TYSND1: variants seen among roughly 807,000 people sequenced by gnomAD.
TYSND1 encodes the protein peroxisomal leader peptide-processing protease.
A neutral mutation model predicts 37.2 loss-of-function variants in TYSND1; 30 were observed. The observed-to-expected ratio is 0.81, with a 90% CI of 0.60 to 1.09. The LOEUF (loss-of-function observed/expected upper bound fraction) is 1.09, where lower values mean the gene tolerates loss of function less well. Ranked by LOEUF, TYSND1 falls within the 50% of genes least tolerant of loss-of-function variation. The pLI is 0.00. For synonymous variants in TYSND1, 364 were observed against 383.8 expected (o/e 0.95, Z 0.60); for missense variants, 806 against 817.4 (o/e 0.99, Z 0.17).
At position 70,146,442 on chromosome 10, in the gene TYSND1, G is replaced by A. The variant is rs1589869488; in HGVS notation, c.145C>T (p.His49Tyr). 6.2e-6 allele frequency: 10 copies of A among 1,603,718 alleles called. No individual in the cohort carries two copies. Among genetic ancestry groups the A allele is most frequent in the Non-Finnish European group, 8.5e-6 (10 of 1,178,672 alleles). The change falls in exon 1 of 4, where the codon CAC becomes TAC. Residue 49 changes from histidine (H) to tyrosine (Y), a missense_variant. By Grantham distance (83) the His-to-Tyr change is moderately conservative. Coordinates refer to ENST00000287078, the MANE Select transcript of TYSND1 (RefSeq NM_173555.4). ...LSRSPGLVLCHGGIFVPFLRA... is the reference protein window; with the variant it reads ...LSRSPGLVLCYGGIFVPFLRA... ...AGGAAGGGGACGAAGATGCCCCCGT[G>A]GCAAAGCACCAGGCCCGGGCTACGG...
chr10:70,142,674 G>T lies in TYSND1; in HGVS notation c.1477C>A (p.Leu493Ile). Reference protein sequence around the residue: ...GPLFSNHSGNLLGIITSNTRD... With the variant: ...GPLFSNHSGNILGIITSNTRD... ...GGGCCAAAGAGCTGGTTACCAAGGA[G>T]GTTTCCTGAGTGGTTGGAGAAGAGG... Residue 493 changes from leucine (L) to isoleucine (I), a missense_variant, in exon 3 of 4, where the codon CTC becomes ATC. By Grantham distance (5) the Leu-to-Ile change is conservative. This residue lies in a region of TYSND1 where 708 missense variants were observed against 705.4 expected (regional missense o/e 1.00). Transcript: ENST00000287078. 1 of 1,580,534 alleles carries T rather than the reference G, an allele frequency of 6.3e-7. No homozygotes were observed. The highest frequency in any genetic ancestry group is 8.6e-7 in the Non-Finnish European group (1 of 1,162,582).
In TYSND1 at chr10:70,146,212, G is replaced by C. The variant is rs1217191747; in HGVS notation, c.375C>G (p.Pro125=). 1 of 1,518,418 alleles carries C rather than the reference G, an allele frequency of 6.6e-7. No individual in the cohort carries two copies. Among genetic ancestry groups the C allele is most frequent in the East Asian group, 2.5e-5 (1 of 40,526 alleles). The allele number at this position is 1,518,418 out of a possible 1,614,324, so 94.1% of individuals were successfully genotyped here. Residue 125 remains proline (P), a synonymous_variant, in exon 1 of 4, where the codon CCC becomes CCG. Coordinates refer to ENST00000287078, the MANE Select transcript of TYSND1 (RefSeq NM_173555.4). The part of the protein sequence containing the change: ...PGPPAPSRGR[P]LQPRLPAELL... The stretch of plus-strand genomic sequence containing the variant: ...GCTCAGCAGGAAGCCGGGGCTGCAG[G>C]GGACGCCCGCGGGACGGGGCAGGTG...
chr10:70,139,764 C>T lies in TYSND1; in HGVS notation c.*160G>A. 1 of 694,498 alleles carries T rather than the reference C, an allele frequency of 1.4e-6. No individual in the cohort carries two copies. Among genetic ancestry groups the T allele is most frequent in the South Asian group, 1.9e-5 (1 of 51,756 alleles). The allele number at this position is 694,498 out of a possible 1,614,324, so 43.0% of individuals were successfully genotyped here. Reference sequence around the variant, plus strand: ...TCCATGGGGCTGAAGAGAAGTTTGCCCCAGAGCCCAAAGCCCAGTCTGCAG... The same window carrying T: ...TCCATGGGGCTGAAGAGAAGTTTGCTCCAGAGCCCAAAGCCCAGTCTGCAG... On this transcript the variant is annotated 3_prime_UTR_variant, in exon 4 of 4. Coordinates refer to ENST00000287078, the MANE Select transcript of TYSND1 (RefSeq NM_173555.4).
Position 70,140,050 on chromosome 10 carries a change from G to T in TYSND1, c.1575C>A (p.Ala525=), listed in dbSNP as rs760546072. 6.2e-7 allele frequency: 1 copy of T among 1,614,200 alleles called. No homozygotes were observed. The highest frequency in any genetic ancestry group is 8.5e-7 in the Non-Finnish European group (1 of 1,180,016). Residue 525 remains alanine (A), a synonymous_variant, in exon 4 of 4, where the codon GCC becomes GCA. Coordinates refer to ENST00000287078, the MANE Select transcript of TYSND1 (RefSeq NM_173555.4). ...CTTGGGTCTGGCTGTACTGCTGCAG[G>T]GCCGGCTGGAGCACCGTGATGGGAA... The part of the protein sequence containing the change: ...FSIPITVLQP[A]LQQYSQTQDL...
intron 1 of TYSND1, chr10:70,144,370 A>C (rs1428420794): frequency 2.6e-6 from 2 of 777,956 alleles, no homozygotes; most frequent in African/African-American, 3.8e-5. Flanking sequence ...AAGTGGGAGG[A>C]GCCAAGGCAA....
In TYSND1 at chr10:70,139,468, C is replaced by T. The variant is rs151057693; in HGVS notation, c.*456G>A. 102 of 155,534 alleles carry T rather than the reference C, an allele frequency of 6.6e-4. No individual in the cohort carries two copies. In the East Asian group the frequency reaches 0.018, roughly 27 times the overall value. The allele number at this position is 155,534 out of a possible 1,614,324, so 9.6% of individuals were successfully genotyped here. A position where few individuals can be genotyped will look rare whatever the true frequency, so the allele number is the denominator to read the frequency against. On this transcript the variant is annotated 3_prime_UTR_variant, in exon 4 of 4. Coordinates refer to ENST00000287078, the MANE Select transcript of TYSND1 (RefSeq NM_173555.4). Reference sequence around the variant, plus strand: ...GGTTTCTGCTGAGATGCTAAGGAAGCTGAGTCCTTTGTCAGCCCTGACTCT... The same window carrying T: ...GGTTTCTGCTGAGATGCTAAGGAAGTTGAGTCCTTTGTCAGCCCTGACTCT...
At chr10:70,141,167 C>T (rs192018926) in intron 3 of TYSND1, among the ~76,000 whole-genome samples, 53 of 151,564 alleles carry the variant, frequency 3.5e-4, no homozygotes, top group African/African-American at 1.2e-3. Context: ...TCTTGAACTC[C>T]CAGACTCAAG....
At chr10:70,142,910 C>T in intron 2 of TYSND1, 57 bp from the exon 3 acceptor site, 1 of 1,574,518 alleles carries the variant, frequency 6.4e-7, no homozygotes, top group South Asian at 1.1e-5. Context: ...GCAGGACTCA[C>T]ACTCCCTAAC....
Position 70,144,448 on chromosome 10 carries a change from G to A in TYSND1, c.1167-476C>T, listed in dbSNP as rs746485039. The A allele has an allele frequency of 8.4e-5, 84 of 996,640 alleles. 2 individuals carry two copies. Among genetic ancestry groups the A allele is most frequent in the Middle Eastern group, 1.0e-3 (2 of 1,982 alleles). 61.7% of individuals were successfully genotyped at this position (996,640 alleles called of 1,614,324 possible). On this transcript the variant is annotated intron_variant, in intron 1 of 3. Coordinates refer to ENST00000287078, the MANE Select transcript of TYSND1 (RefSeq NM_173555.4). Reference sequence around the variant, plus strand: ...TCCCGTCAGTTGGTGGGTCAGATATGACATGGTTTCACTCCTCTGGGTCCC... The same window carrying A: ...TCCCGTCAGTTGGTGGGTCAGATATAACATGGTTTCACTCCTCTGGGTCCC...
chr10:70,146,564 G>A lies in TYSND1; in HGVS notation c.23C>T (p.Ala8Val). ...GCCCGCCTGCTCGGCCGCCCTCATG[G>A]CAGACCCCCACTGCCTTCTCATGGC... MRRQWGS[A>V]MRAAEQAGCM... The change falls in exon 1 of 4, where the codon GCC becomes GTC. Residue 8 changes from alanine (A) to valine (V), a missense_variant. Coordinates refer to ENST00000287078, the MANE Select transcript of TYSND1 (RefSeq NM_173555.4). The A allele has an allele frequency of 6.4e-7, 1 of 1,572,268 alleles. No individual in the cohort carries two copies. Among genetic ancestry groups the A allele is most frequent in the Middle Eastern group, 1.7e-4 (1 of 5,916 alleles).
Position 70,146,236 on chromosome 10 carries a change from TGGGCCGGGCTCGAGGCTCGC to T in TYSND1, c.331_350del (p.Ala111ThrfsTer16). 6.7e-7 allele frequency: 1 copy of T among 1,490,970 alleles called. No homozygotes were observed. Among genetic ancestry groups the T allele is most frequent in the Non-Finnish European group, 8.9e-7 (1 of 1,127,550 alleles). The allele number at this position is 1,490,970 out of a possible 1,614,324, so 92.4% of individuals were successfully genotyped here. ...GGGGACGCCCGCGGGACGGGGCAGG[TGGGCCGGGCTCGAGGCTCGC>T]GCACTGGGGCGTGCACAGCCCTGGG... On this transcript the variant is annotated frameshift_variant, in exon 1 of 4. Coordinates refer to ENST00000287078, the MANE Select transcript of TYSND1 (RefSeq NM_173555.4). LOFTEE classifies it high-confidence loss of function.
chr10:70,140,132 G>A lies in TYSND1; in HGVS notation c.1493C>T (p.Thr498Ile). 6.2e-7 allele frequency: 1 copy of A among 1,609,290 alleles called. No individual in the cohort carries two copies. Among genetic ancestry groups the A allele is most frequent in the African/African-American group, 1.3e-5 (1 of 74,990 alleles). Reference protein sequence around the residue: ...NHSGNLLGIITSNTRDNNTGA... With the variant: ...NHSGNLLGIIISNTRDNNTGA... ...CGTATTATTGTCCCGGGTGTTGCTG[G>A]TGATTATGCCTGTTGAGGAGTCAGA... is the stretch of plus-strand genomic sequence containing the variant. Residue 498 changes from threonine to isoleucine, a missense_variant, in exon 4 of 4, where the codon ACC (threonine) becomes ATC (isoleucine). Thr to Ile is a moderately conservative substitution (Grantham distance 89). Coordinates refer to ENST00000287078, the MANE Select transcript of TYSND1 (RefSeq NM_173555.4).
Position 70,145,718 on chromosome 10 carries a change from C to A in TYSND1, c.869G>T (p.Trp290Leu), listed in dbSNP as rs1369946069. Residue 290 changes from tryptophan (W) to leucine (L), a missense_variant, in exon 1 of 4, where the codon TGG becomes TTG. Transcript: ENST00000287078. ...VAPLCWKAGE[W>L]VGFTLLCAAA... ...GGCGCAGAGCAGCGTGAAGCCCACCCATTCGCCGGCCTTCCAACAGAGCGG... is the reference window on the plus strand; with the variant it reads ...GGCGCAGAGCAGCGTGAAGCCCACCAATTCGCCGGCCTTCCAACAGAGCGG... 4 of 1,414,370 alleles carry A rather than the reference C, an allele frequency of 2.8e-6. No individual in the cohort carries two copies. Among genetic ancestry groups the A allele is most frequent in the South Asian group, 3.1e-5 (2 of 65,158 alleles). 87.6% of individuals were successfully genotyped at this position (1,414,370 alleles called of 1,614,324 possible). A position where few individuals can be genotyped will look rare whatever the true frequency, so the allele number is the denominator to read the frequency against.
rs768962127 is a variant in TYSND1 at position 70,146,459 on chromosome 10, G to A, written c.128C>T (p.Pro43Leu). 3 of 1,603,458 alleles carry A rather than the reference G, an allele frequency of 1.9e-6. No individual in the cohort carries two copies. The highest frequency in any genetic ancestry group is 2.7e-5 in the African/African-American group (2 of 74,844). ...GCCCCCGTGGCAAAGCACCAGGCCC[G>A]GGCTACGGCTCAGGATTACCCCGCT... is the stretch of plus-strand genomic sequence containing the variant. ...SCSGVILSRS[P>L]GLVLCHGGIF... is the part of the protein sequence containing the mutation. Residue 43 changes from proline (P) to leucine (L), a missense_variant, in exon 1 of 4, where the codon CCG (proline) becomes CTG (leucine). By Grantham distance (98) the Pro-to-Leu change is moderately conservative (BLOSUM62 -3). Around this residue, in one of 3 missense-constraint regions of TYSND1, gnomAD observed 84 missense variants for 79.0 expected, o/e 1.06. Coordinates refer to ENST00000287078, the MANE Select transcript of TYSND1 (RefSeq NM_173555.4).
At position 70,145,768 on chromosome 10, in the gene TYSND1, C is replaced by T. The variant is rs1308649916; in HGVS notation, c.819G>A (p.Gly273=). ...GGGVFTARPA[G]ALVALVVAPL... ...GCGCCACCACCAGCGCCACCAGCGC[C>T]CCCGCGGGCCGCGCGGTGAACACGC... Residue 273 remains glycine, a synonymous_variant, in exon 1 of 4, where the codon GGG becomes GGA. Transcript: ENST00000287078. The T allele has an allele frequency of 1.4e-6, 2 of 1,446,558 alleles. No homozygotes were observed. The highest frequency in any genetic ancestry group is 1.8e-6 in the Non-Finnish European group (2 of 1,109,808). 89.6% of individuals were successfully genotyped at this position (1,446,558 alleles called of 1,614,324 possible). A position where few individuals can be genotyped will look rare whatever the true frequency, so the allele number is the denominator to read the frequency against.
At chr10:70,145,385 G>C (rs760743439) in intron 1 of TYSND1, 36 bp downstream of exon 1, 438 of 1,374,902 alleles carry the variant, frequency 3.2e-4, no homozygotes, top group Non-Finnish European at 3.9e-4. Flanking sequence ...CTGAGACCTG[G>C]AAAGGGATGA....
In TYSND1 at chr10:70,145,859, A is replaced by G; in HGVS notation, c.728T>C (p.Leu243Pro). 6.5e-7 allele frequency: 1 copy of G among 1,543,118 alleles called. No individual in the cohort carries two copies. Among genetic ancestry groups the G allele is most frequent in the Non-Finnish European group, 8.7e-7 (1 of 1,144,026 alleles). Residue 243 changes from leucine to proline, a missense_variant, in exon 1 of 4, where the codon CTC (leucine) becomes CCC (proline). This residue lies in a region of TYSND1 where 708 missense variants were observed against 705.4 expected (regional missense o/e 1.00). Transcript: ENST00000287078. ...IFLNTLSCGV[L>P]SNVAGPLLLT... Reference sequence around the variant, plus strand: ...CAGCAGTGGGCCGGCCACGTTGCTGAGCACCCCGCAGCTCAGCGTGTTGAG... The same window carrying G: ...CAGCAGTGGGCCGGCCACGTTGCTGGGCACCCCGCAGCTCAGCGTGTTGAG...
Position 70,143,952 on chromosome 10 carries a change from C to G in TYSND1, c.1187G>C (p.Arg396Pro), listed in dbSNP as rs146018076. The G allele has an allele frequency of 2.5e-6, 4 of 1,614,054 alleles. No homozygotes were observed. Among genetic ancestry groups the G allele is most frequent in the African/African-American group, 1.3e-5 (1 of 74,944 alleles). ...TGTCTCCTGAGTGGCAAATACCACA[C>G]GGCCCCAGATGGCCACACTCCTGGG... is the stretch of plus-strand genomic sequence containing the variant. The part of the protein sequence containing the change: ...TTPKSVAIWG[R>P]VVFATQETCP... The change falls in exon 2 of 4, where the codon CGT becomes CCT. Residue 396 changes from arginine to proline, a missense_variant. Transcript: ENST00000287078.
rs1589865838 is a variant in TYSND1 at position 70,145,079 on chromosome 10, G to A, written c.1166+342C>T. On this transcript the variant is annotated intron_variant, in intron 1 of 3. Coordinates refer to ENST00000287078, the MANE Select transcript of TYSND1 (RefSeq NM_173555.4). ...GGGTTAGGGAATCTCTGTTCAAAGGGCCAGAGAACCGAGGGGTATGGCGTG... is the reference window on the plus strand; with the variant it reads ...GGGTTAGGGAATCTCTGTTCAAAGGACCAGAGAACCGAGGGGTATGGCGTG... 2.6e-5 allele frequency among the ~76,000 whole-genome samples: 4 copies of A among 152,258 alleles called. No homozygotes were observed. In the South Asian group the frequency reaches 8.3e-4, roughly 32 times the overall value.
Sources: gnomAD v4.1 joint callset for allele counts (sites outside exome capture counted in the v4.1 genomes callset) on GRCh38, gnomAD v4.1.1 for gene constraint, gnomAD v4.1.1 regional missense constraint, MANE v1.5 for transcripts, NCBI Gene and HGNC (gene_info 2026-07-23, HGNC 2026-07-21) for gene names.